WASL: variants seen among roughly 807,000 people sequenced by gnomAD.
The protein encoded by WASL is WASP like actin nucleation promoting factor.
WASL carries 20 observed loss-of-function variants against 55.5 expected under a neutral mutation model. The observed-to-expected ratio is 0.36, with a 90% CI of 0.25 to 0.52. WASL has a LOEUF of 0.52. Ranked by LOEUF, WASL falls within the 20% of genes least tolerant of loss-of-function variation. The probability of loss-of-function intolerance (pLI) is 0.92; values close to 1 mark genes in which losing one functional copy is unlikely to be tolerated. For synonymous variants in WASL, 249 were observed against 217.6 expected (o/e 1.14, Z -1.27); for missense variants, 504 against 622.5 (o/e 0.81, Z 2.03).
At chr7:123,742,850 C>T (rs1423653455) in intron 1 of WASL, among the ~76,000 whole-genome samples, 1 of 152,170 alleles carries the variant, frequency 6.6e-6, no homozygotes. Context: ...TATCTACCTT[C>T]TGCTTAGATA....
chr7:123,733,104 C>G (rs1305913473), intron 1 of WASL, among the ~76,000 whole-genome samples: 1 of 152,124 alleles, frequency 6.6e-6, no homozygotes, highest in African/African-American at 2.4e-5. Context: ...ATACTGGGAA[C>G]AAAGTAAAAA....
chr7:123,742,340 T>C (rs1021810682), intron 1 of WASL, among the ~76,000 whole-genome samples: 11 of 152,202 alleles, frequency 7.2e-5, no homozygotes, highest in African/African-American at 1.4e-4. Flanking sequence ...TAATAAGCCA[T>C]AATTTCAGCA....
intron 5 of WASL, among the ~76,000 whole-genome samples, chr7:123,702,503 C>CA (rs1803608224): frequency 1.3e-5 from 2 of 152,126 alleles, no homozygotes; most frequent in African/African-American, 4.8e-5. Context: ...TTCAGCCCTC[C>CA]ATATTCACAG....
At chr7:123,693,319 A>G (rs576640012) in intron 8 of WASL, among the ~76,000 whole-genome samples, 1 of 152,232 alleles carries the variant, frequency 6.6e-6, no homozygotes, top group African/African-American at 2.4e-5. Flanking sequence ...TCAGAATTAT[A>G]GTGTAGCATA....
chr7:123,700,358 TAA>T (rs1420016350), intron 5 of WASL, among the ~76,000 whole-genome samples: 1 of 152,032 alleles, frequency 6.6e-6, no homozygotes, highest in Admixed American at 6.6e-5. Context: ...GTGATCTTTA[TAA>T]AGTCATATGA....
intron 1 of WASL, among the ~76,000 whole-genome samples, chr7:123,736,117 A>G (rs1024668511): frequency 6.6e-6 from 1 of 152,298 alleles, no homozygotes; most frequent in African/African-American, 2.4e-5. Context: ...AAGATACTGG[A>G]GCAGTATCTT....
intron 2 of WASL, among the ~76,000 whole-genome samples, chr7:123,708,261 C>T (rs3779260): frequency 0.46 from 69,594 of 151,852 alleles, 16,192 homozygotes; most frequent in South Asian, 0.67. Context: ...AGTGAAATAC[C>T]TCATAACAAA....
chr7:123,685,869 TATATAA>T (rs1803279570), intron 10 of WASL, among the ~76,000 whole-genome samples: 1 of 142,510 alleles, frequency 7.0e-6, no homozygotes, highest in Admixed American at 7.3e-5. Flanking sequence ...TATATATAAA[TATATAA>T]ATATATATAA....
rs568912537 is a variant in WASL at position 123,730,907 on chromosome 7, G to A, written c.117+17711C>T. On this transcript the variant is annotated intron_variant, in intron 1 of 10. Transcript: ENST00000223023. ...CAGGTAATTGTCGCCCAGGTAATCAGCATAGTATCCCACTGGTAGTTTTTA... is the reference window on the plus strand; with the variant it reads ...CAGGTAATTGTCGCCCAGGTAATCAACATAGTATCCCACTGGTAGTTTTTA... Among the ~76,000 whole-genome samples the A allele has an allele frequency of 3.3e-5, 5 of 152,254 alleles. No individual in the cohort carries two copies. The East Asian group carries it at 9.7e-4, about 29-fold the overall frequency.
rs761812695 is a variant in WASL at position 123,689,024 on chromosome 7, C to G, written c.1456+18G>C. The G allele has an allele frequency of 1.3e-6, 2 of 1,587,954 alleles. No individual in the cohort carries two copies. The highest frequency in any genetic ancestry group is 1.7e-6 in the Non-Finnish European group (2 of 1,160,470). On this transcript the variant is annotated intron_variant, in intron 10 of 10. Transcript: ENST00000223023. ...TCTCTCTGTCTCTCTCTCTCTCTCT[C>G]TCTCTCTCTCTCTCTACCTGAAGAA...
chr7:123,714,081 G>T (rs1394196646), intron 1 of WASL, among the ~76,000 whole-genome samples: 6 of 152,108 alleles, frequency 3.9e-5, no homozygotes, highest in Non-Finnish European at 7.4e-5. Flanking sequence ...AAAGAATTTG[G>T]TTGAATTCCT....
At chr7:123,714,058 A>C (rs1803800217) in intron 1 of WASL, among the ~76,000 whole-genome samples, 2 of 152,218 alleles carry the variant, frequency 1.3e-5, no homozygotes, top group Admixed American at 1.3e-4. Flanking sequence ...GTAGTATAAA[A>C]GTAAAGAAAT....
intron 1 of WASL, among the ~76,000 whole-genome samples, chr7:123,717,988 C>T (rs1803873499): frequency 6.6e-6 from 1 of 152,112 alleles, no homozygotes; most frequent in Admixed American, 6.5e-5. Context: ...GAGGAAAAGA[C>T]TCTTCCTATA....
In WASL at chr7:123,697,067, T is replaced by A. The variant is rs1011225430; in HGVS notation, c.461-320A>T. The stretch of plus-strand genomic sequence containing the variant: ...AAATTTTGATTATAATAGCCTCATA[T>A]CCAACACATTGCTCAACAGTAAAGT... On this transcript the variant is annotated intron_variant, in intron 5 of 10. Transcript: ENST00000223023. 5.9e-5 allele frequency among the ~76,000 whole-genome samples: 9 copies of A among 152,214 alleles called. No homozygotes were observed. The East Asian group carries it at 1.7e-3, about 29-fold the overall frequency.
intron 1 of WASL, among the ~76,000 whole-genome samples, chr7:123,712,001 G>A (rs1333698941): frequency 6.6e-6 from 1 of 152,152 alleles, no homozygotes; most frequent in Non-Finnish European, 1.5e-5. Context: ...TCAAGGGCAG[G>A]AAGAATATGG....
chr7:123,701,368 CAA>C (rs1411451264), intron 5 of WASL, among the ~76,000 whole-genome samples: 3 of 152,156 alleles, frequency 2.0e-5, no homozygotes, highest in African/African-American at 7.2e-5. Flanking sequence ...TAAAAGAACT[CAA>C]GTTTCCCATT....
chr7:123,709,048 C>T, intron 2 of WASL, 41 bp downstream of exon 2: 1 of 1,537,540 alleles, frequency 6.5e-7, no homozygotes, highest in Non-Finnish European at 8.8e-7. Flanking sequence ...ATATAGAAAA[C>T]CTAATCACCT....
intron 10 of WASL, among the ~76,000 whole-genome samples, chr7:123,685,978 C>G (rs1288960174): frequency 6.7e-6 from 1 of 149,236 alleles, no homozygotes; most frequent in Non-Finnish European, 1.5e-5. Flanking sequence ...TGATAAAAAG[C>G]CAGTAAGACT....
rs544425066 is a variant in WASL, at chr7:123,747,363, A to C, written c.117+1255T>G. On this transcript the variant is annotated intron_variant, in intron 1 of 10. Coordinates refer to ENST00000223023, the MANE Select transcript of WASL (RefSeq NM_003941.4). ...TTTCATCCTTCTAATCAGGAAACTCAATGTTCTCTAAGGTCTAAATTCCGA... is the reference window on the plus strand; with the variant it reads ...TTTCATCCTTCTAATCAGGAAACTCCATGTTCTCTAAGGTCTAAATTCCGA... Among the ~76,000 whole-genome samples, 4 of 152,316 alleles carry C rather than the reference A, an allele frequency of 2.6e-5. No individual in the cohort carries two copies. In the East Asian group the frequency reaches 7.7e-4, roughly 29 times the overall value.
Sources: gnomAD v4.1 joint callset for allele counts (sites outside exome capture counted in the v4.1 genomes callset) on GRCh38, gnomAD v4.1.1 for gene constraint, MANE v1.5 for transcripts, NCBI Gene and HGNC (gene_info 2026-07-23, HGNC 2026-07-21) for gene names.